Variants in VAV2 observed in about 807,000 individuals in gnomAD.
VAV2 encodes vav guanine nucleotide exchange factor 2, also known as guanine nucleotide exchange factor VAV2.
In VAV2, 67 loss-of-function variants were observed where a neutral mutation model predicts 132.5. The ratio of observed to expected loss-of-function variants is 0.51; its 90% CI spans 0.42 to 0.62. The LOEUF (loss-of-function observed/expected upper bound fraction) is 0.62. Ranked by LOEUF, VAV2 falls within the 20% of genes least tolerant of loss-of-function variation. The pLI is 0.00. For synonymous variants in VAV2, 492 were observed against 443.5 expected, an observed-to-expected ratio of 1.11 and a Z score of -1.37; for missense variants, 938 against 1,153.6, an observed-to-expected ratio of 0.81 and a Z score of 2.71.
In VAV2 at chr9:133,769,488, T is replaced by C. The variant is rs1294246832; in HGVS notation, c.2363A>G (p.Tyr788Cys). The C allele has an allele frequency of 6.2e-7, 1 of 1,612,070 alleles. No individual in the cohort carries two copies. Among genetic ancestry groups the C allele is most frequent in the African/African-American group, 1.3e-5 (1 of 74,762 alleles). Residue 788 changes from tyrosine to cysteine, a missense_variant, in exon 28 of 30, where the codon TAC becomes TGC. Physicochemically the swap from Tyr to Cys is radical, Grantham distance 194. Coordinates refer to ENST00000371850, the MANE Select transcript of VAV2 (RefSeq NM_001134398.2). The surrounding 1 kb of genome is among the most constrained non-coding windows in gnomAD (Gnocchi z 8.1). ...SSRSPASCAS[Y>C]NFSFLSPQGL... ...CTGAGGACTGAGAAAAGAAAAGTTGTAGGAAGCACAGGAAGCTGCAAAGAG... is the reference window on the plus strand; with the variant it reads ...CTGAGGACTGAGAAAAGAAAAGTTGCAGGAAGCACAGGAAGCTGCAAAGAG...
intron 3 of VAV2, among the ~76,000 whole-genome samples, chr9:133,843,698 G>A (rs12005762): frequency 0.12 from 17,729 of 152,298 alleles, 1,071 homozygotes; most frequent in South Asian, 0.15. Context: ...CATGGTTTAG[G>A]GGCTGGAGCA....
rs1458657832 is a variant in VAV2 at position 133,769,468 on chromosome 9, G to A, written c.2383C>T (p.Pro795Ser). 6.2e-7 allele frequency: 1 copy of A among 1,613,248 alleles called. No individual in the cohort carries two copies. Among genetic ancestry groups the A allele is most frequent in the East Asian group, 2.2e-5 (1 of 44,880 alleles). ...TGAGAAGCAAAGCTGAGGCCCTGAG[G>A]ACTGAGAAAAGAAAAGTTGTAGGAA... Reference protein sequence around the residue: ...CASYNFSFLSPQGLSFASQGP... With the variant: ...CASYNFSFLSSQGLSFASQGP... Residue 795 changes from proline to serine, a missense_variant, in exon 28 of 30, where the codon CCT becomes TCT. Pro to Ser is a moderately conservative substitution (Grantham distance 74, BLOSUM62 -1). Transcript: ENST00000371850. This position sits in a 1 kb window ranked among gnomAD's most constrained non-coding sequence, Gnocchi z 8.1.
chr9:133,936,581 A>G (rs1231977150), intron 2 of VAV2, among the ~76,000 whole-genome samples: 1 of 152,166 alleles, frequency 6.6e-6, no homozygotes, highest in Admixed American at 6.5e-5. Flanking sequence ...GTGGAGAGAA[A>G]AACAGTAGGC....
chr9:133,898,502 G>A (rs566871976), intron 2 of VAV2, among the ~76,000 whole-genome samples: 3 of 152,132 alleles, frequency 2.0e-5, no homozygotes, highest in African/African-American at 7.2e-5. Context: ...GCTGAGGCAG[G>A]AGAATCACTT....
intron 1 of VAV2, among the ~76,000 whole-genome samples, chr9:133,985,226 T>TTGTGTGTGTGTG (rs59748267): frequency 7.3e-6 from 1 of 137,154 alleles, no homozygotes; most frequent in African/African-American, 2.7e-5. Flanking sequence ...TCTTGCCTTA[T>TTGTGTGTGTGTG]TGTGTGTGTG....
chr9:133,939,821 A>G (rs1703871970), intron 1 of VAV2, among the ~76,000 whole-genome samples: 1 of 152,260 alleles, frequency 6.6e-6, no homozygotes, highest in African/African-American at 2.4e-5. Context: ...GAAGCCACGG[A>G]GGACCCAGAG....
intron 2 of VAV2, among the ~76,000 whole-genome samples, chr9:133,898,458 G>A (rs569437226): frequency 3.3e-5 from 5 of 151,932 alleles, no homozygotes; most frequent in Middle Eastern, 3.4e-3. Context: ...GCCAGGCGTG[G>A]TGGCAGGTGC....
chr9:133,945,716 C>T (rs1248761363), intron 1 of VAV2, among the ~76,000 whole-genome samples: 1 of 152,222 alleles, frequency 6.6e-6, no homozygotes, highest in Non-Finnish European at 1.5e-5. Context: ...CTGGCCCAAC[C>T]TTCCCCATCC....
At position 133,919,139 on chromosome 9, in the gene VAV2, C is replaced by T. The variant is rs1373575631; in HGVS notation, c.321+19964G>A. 6.6e-6 allele frequency among the ~76,000 whole-genome samples: 1 copy of T among 152,108 alleles called. No homozygotes were observed. The highest frequency in any genetic ancestry group is 1.5e-5 in the Non-Finnish European group (1 of 68,012). On this transcript the variant is annotated intron_variant, in intron 2 of 29. Transcript: ENST00000371850. The surrounding 1 kb of genome is among the most constrained non-coding windows in gnomAD (Gnocchi z 5.8). ...ACTTTCTTCACTGACCTAGCTCCGC[C>T]CTCTCCATCAGGCCTGGCTCTGCCC...
In VAV2 at chr9:133,799,503, T is replaced by C. The variant is rs987072811; in HGVS notation, c.837-1694A>G. Among the ~76,000 whole-genome samples the C allele has an allele frequency of 6.3e-4, 96 of 152,254 alleles. 1 individual carries two copies. The highest frequency in any genetic ancestry group is 2.1e-3 in the African/African-American group (87 of 41,558). ...CAGCCACAGTCAAGCAAAGCACCCA[T>C]GGCCGGTCCCACATGGCCTGCAGGG... On this transcript the variant is annotated intron_variant, in intron 9 of 29. Transcript: ENST00000371850.
At position 133,861,424 on chromosome 9, in the gene VAV2, G is replaced by A. The variant is rs12342989; in HGVS notation, c.330C>T (p.Ser110=). The change falls in exon 3 of 30, where the codon TCC becomes TCT. Residue 110 remains serine (S), a synonymous_variant. Coordinates refer to ENST00000371850, the MANE Select transcript of VAV2 (RefSeq NM_001134398.2). ...TGTGCAGGGAGAGCCTCGACACCGCGGAGATGACCTGGGGGAGACAAGAAG... is the reference window on the plus strand; with the variant it reads ...TGTGCAGGGAGAGCCTCGACACCGCAGAGATGACCTGGGGGAGACAAGAAG... ...FDVRDFGKVI[S]AVSRLSLHSI... 9,170 of 1,613,258 alleles carry A rather than the reference G, an allele frequency of 5.7e-3. 390 individuals are homozygous for A. In the African/African-American group the frequency reaches 0.098, roughly 17 times the overall value.
intron 2 of VAV2, among the ~76,000 whole-genome samples, chr9:133,936,486 G>GC (rs1453055565): frequency 6.6e-6 from 1 of 151,994 alleles, no homozygotes; most frequent in East Asian, 1.9e-4. Context: ...CAAATGATCC[G>GC]CCCACCTCAG....
At chr9:133,950,446 C>T (rs1273182923) in intron 1 of VAV2, among the ~76,000 whole-genome samples, 3 of 152,156 alleles carry the variant, frequency 2.0e-5, no homozygotes, top group African/African-American at 7.2e-5. Context: ...CAGCTTTCCA[C>T]GCCTGCTCCC....
At chr9:133,965,332 AAAT>A (rs1231077335) in intron 1 of VAV2, among the ~76,000 whole-genome samples, 7 of 151,770 alleles carry the variant, frequency 4.6e-5, no homozygotes, top group Admixed American at 3.9e-4. Flanking sequence ...TAAAAAAAAA[AAAT>A]AATAATAACA....
At chr9:133,799,589 C>A (rs1373623250) in intron 9 of VAV2, among the ~76,000 whole-genome samples, 7 of 152,132 alleles carry the variant, frequency 4.6e-5, no homozygotes, top group African/African-American at 1.7e-4. Context: ...GGAGGCATCA[C>A]CATCATTGCA....
chr9:133,942,894 G>C (rs943951959), intron 1 of VAV2, among the ~76,000 whole-genome samples: 2 of 152,220 alleles, frequency 1.3e-5, no homozygotes, highest in Non-Finnish European at 2.9e-5. Context: ...CTGCACGGAC[G>C]GGGATGGCAG....
At chr9:133,982,293 G>C (rs951082104) in intron 1 of VAV2, among the ~76,000 whole-genome samples, 3 of 152,216 alleles carry the variant, frequency 2.0e-5, no homozygotes, top group Non-Finnish European at 4.4e-5. Context: ...GGTGCCTCCA[G>C]GGCAGGAGCA....
chr9:133,835,711 C>T (rs191853296), intron 3 of VAV2, among the ~76,000 whole-genome samples: 9 of 152,136 alleles, frequency 5.9e-5, no homozygotes, highest in East Asian at 1.9e-4. Context: ...AGCAGGGACG[C>T]GCGGTCCGTC....
At chr9:133,799,298 G>C (rs903207784) in intron 9 of VAV2, among the ~76,000 whole-genome samples, 2 of 152,316 alleles carry the variant, frequency 1.3e-5, no homozygotes, top group Middle Eastern at 3.4e-3. Context: ...CCTCACCACG[G>C]CCAGGGCCGC....
Sources: allele counts gnomAD v4.1 joint callset (sites outside exome capture counted in the v4.1 genomes callset), GRCh38; gene constraint gnomAD v4.1.1; non-coding constraint Gnocchi (gnomAD v3.1); transcripts MANE v1.5; gene names NCBI Gene and HGNC (gene_info 2026-07-23, HGNC 2026-07-21).